CHSY3: variants seen among roughly 807,000 people sequenced by gnomAD.
CHSY3 encodes N-acetylgalactosaminyl-proteoglycan 3-beta-glucuronosyltransferase 3.
In CHSY3, 35 loss-of-function variants were observed where a neutral mutation model predicts 67.2. The ratio of observed to expected loss-of-function variants is 0.52; its 90% CI spans 0.40 to 0.69. The LOEUF is 0.69. Among genes scored for constraint, CHSY3 ranks in the 30% least tolerant of loss-of-function variants. The pLI is 0.00. For missense variants in CHSY3, 1,069 were observed against 1,138.5 expected (o/e 0.94, Z 0.88); for synonymous variants, 474 against 434.7 (o/e 1.09, Z -1.12).
chr5:130,101,236 T>G (rs1767233600), intron 2 of CHSY3, among the ~76,000 whole-genome samples: 1 of 152,210 alleles, frequency 6.6e-6, no homozygotes, highest in Non-Finnish European at 1.5e-5. Context: ...TAATTTAACA[T>G]TGTCAAAGAG....
Position 130,002,101 on chromosome 5 carries a change from G to A in CHSY3, c.1086+93741G>A, listed in dbSNP as rs1763743480. 4 of 959,736 alleles carry A rather than the reference G, an allele frequency of 4.2e-6. No individual in the cohort carries two copies. In the South Asian group the frequency reaches 1.4e-4, roughly 35 times the overall value. 59.5% of individuals were successfully genotyped at this position (959,736 alleles called of 1,614,324 possible). On this transcript the variant is annotated intron_variant, in intron 2 of 2. Transcript: ENST00000305031. ...TGCCTATAAACAAAGGTGGTGCTTG[G>A]TGGCCTTCTTCTGTGTCTCTGTGTG...
chr5:129,950,679 G>A (rs1047649704), intron 2 of CHSY3, among the ~76,000 whole-genome samples: 1 of 152,128 alleles, frequency 6.6e-6, no homozygotes, highest in Admixed American at 6.5e-5. Flanking sequence ...ATGATAGTAT[G>A]AGAAAAATAG....
At chr5:130,121,609 G>A (rs537518033) in intron 2 of CHSY3, among the ~76,000 whole-genome samples, 2 of 152,208 alleles carry the variant, frequency 1.3e-5, no homozygotes, top group East Asian at 1.9e-4. Context: ...TATAATATTT[G>A]TGTACTCTGA....
Position 129,904,771 on chromosome 5 carries a change from G to A in CHSY3, c.-59G>A. ...GCGGAGGAGGGGCGGGTGTGAGCCG[G>A]GGAAACCGCGTGCCGCGCCGCGACA... On this transcript the variant is annotated 5_prime_UTR_variant, in exon 1 of 3. Coordinates refer to ENST00000305031, the MANE Select transcript of CHSY3 (RefSeq NM_175856.5). 1.5e-6 allele frequency: 2 copies of A among 1,307,986 alleles called. No homozygotes were observed. Among genetic ancestry groups the A allele is most frequent in the South Asian group, 2.2e-5 (1 of 44,994 alleles). The allele number at this position is 1,307,986 out of a possible 1,614,324, so 81.0% of individuals were successfully genotyped here.
chr5:130,011,044 G>A (rs989014500), intron 2 of CHSY3, among the ~76,000 whole-genome samples: 4 of 152,170 alleles, frequency 2.6e-5, no homozygotes, highest in Non-Finnish European at 5.9e-5. Flanking sequence ...TCTATTAGAT[G>A]TATAAATAAG....
At chr5:130,046,894 G>A (rs1363678805) in intron 2 of CHSY3, among the ~76,000 whole-genome samples, 1 of 151,442 alleles carries the variant, frequency 6.6e-6, no homozygotes, top group Non-Finnish European at 1.5e-5. Context: ...GGAAGAGATT[G>A]GATTTTTAAT....
intron 2 of CHSY3, among the ~76,000 whole-genome samples, chr5:129,940,878 G>T (rs1561464703): frequency 1.3e-5 from 2 of 152,028 alleles, no homozygotes; most frequent in Non-Finnish European, 2.9e-5. Context: ...TTGCCCAACT[G>T]CAGGCTAATG....
At chr5:130,134,134 G>C (rs933661668) in intron 2 of CHSY3, among the ~76,000 whole-genome samples, 3 of 152,120 alleles carry the variant, frequency 2.0e-5, no homozygotes, top group African/African-American at 7.2e-5. Flanking sequence ...CTTTCTCAGG[G>C]TCACAGAGTT....
intron 2 of CHSY3, among the ~76,000 whole-genome samples, chr5:130,073,500 C>A (rs145625210): frequency 8.2e-4 from 124 of 151,958 alleles, no homozygotes; most frequent in African/African-American, 2.6e-3. Context: ...GTTGGCCAGG[C>A]TGGTCTTGAA....
At chr5:129,999,152 T>C (rs1228411507) in intron 2 of CHSY3, among the ~76,000 whole-genome samples, 1 of 145,154 alleles carries the variant, frequency 6.9e-6, no homozygotes, top group African/African-American at 2.5e-5. Context: ...CCTGTGTGGC[T>C]AGCTATTTGT....
chr5:129,957,205 G>C (rs559726339), intron 2 of CHSY3, among the ~76,000 whole-genome samples: 10 of 151,920 alleles, frequency 6.6e-5, no homozygotes, highest in Non-Finnish European at 1.5e-4. Flanking sequence ...ATGTTTCTAT[G>C]TATTTTATTC....
At chr5:129,917,003 T>C (rs1055804249) in intron 2 of CHSY3, among the ~76,000 whole-genome samples, 3 of 152,224 alleles carry the variant, frequency 2.0e-5, no homozygotes, top group Non-Finnish European at 4.4e-5. Context: ...CTTTTGTTTA[T>C]ATATCTATCC....
chr5:129,908,499 A>G (rs1760406748), intron 2 of CHSY3, 139 bp downstream of exon 2: 1 of 1,310,198 alleles, frequency 7.6e-7, no homozygotes, highest in Non-Finnish European at 1.0e-6. Flanking sequence ...AAGGGATACA[A>G]GAGTGGGAGA....
At chr5:129,907,167 C>T (rs548909481) in intron 1 of CHSY3, among the ~76,000 whole-genome samples, 20 of 152,282 alleles carry the variant, frequency 1.3e-4, no homozygotes, top group African/African-American at 4.8e-4. Flanking sequence ...ATTAACAGCA[C>T]CTACTTCTTT....
chr5:130,084,274 T>G (rs568871433), intron 2 of CHSY3, among the ~76,000 whole-genome samples: 1 of 152,162 alleles, frequency 6.6e-6, no homozygotes, highest in Non-Finnish European at 1.5e-5. Flanking sequence ...CTATAGCTAC[T>G]AATAATGCAT....
At chr5:129,934,820 G>C (rs116555697) in intron 2 of CHSY3, among the ~76,000 whole-genome samples, 2 of 152,156 alleles carry the variant, frequency 1.3e-5, no homozygotes, top group South Asian at 2.1e-4. Flanking sequence ...GAGAAAACAG[G>C]TTGCTTTATT....
At chr5:130,135,869 C>T (rs904022000) in intron 2 of CHSY3, among the ~76,000 whole-genome samples, 15 of 152,166 alleles carry the variant, frequency 9.9e-5, no homozygotes, top group Non-Finnish European at 2.9e-5. Flanking sequence ...TATTATTTTG[C>T]GTATATAATT....
chr5:129,976,074 A>G (rs1410698186), intron 2 of CHSY3, among the ~76,000 whole-genome samples: 1 of 152,184 alleles, frequency 6.6e-6, no homozygotes, highest in Non-Finnish European at 1.5e-5. Context: ...AACCAGTTTT[A>G]TTCAAGAAGA....
chr5:130,133,214 A>C (rs1187124530), intron 2 of CHSY3, among the ~76,000 whole-genome samples: 1 of 152,166 alleles, frequency 6.6e-6, no homozygotes, highest in Non-Finnish European at 1.5e-5. Context: ...CAAGAGGCAG[A>C]AAATTTTAAT....
Sources: allele counts gnomAD v4.1 joint callset (sites outside exome capture counted in the v4.1 genomes callset), GRCh38; gene constraint gnomAD v4.1.1; transcripts MANE v1.5; gene names NCBI Gene and HGNC (gene_info 2026-07-23, HGNC 2026-07-21).